The following NBEA variants were observed in gnomAD, a reference collection of about 807,000 sequenced individuals.
NBEA encodes lysosomal-trafficking regulator 2.
A neutral mutation model predicts 343.4 loss-of-function variants in NBEA; 44 were observed. The ratio of observed to expected loss-of-function variants is 0.13; its 90% CI spans 0.10 to 0.16. The LOEUF (loss-of-function observed/expected upper bound fraction) is 0.16, where lower values mean the gene tolerates loss of function less well. NBEA is among the 10% of genes least tolerant of loss of function. The probability of loss-of-function intolerance (pLI) is 1.00; values close to 1 mark genes in which losing one functional copy is unlikely to be tolerated. For synonymous variants in NBEA, 1,175 were observed against 1,238.7 expected, an observed-to-expected ratio of 0.95 and a Z score of 1.08; for missense variants, 2,555 against 3,631.3, an observed-to-expected ratio of 0.70 and a Z score of 7.62.
At chr13:35,049,667 A>T (rs893040893) in intron 5 of NBEA, among the ~76,000 whole-genome samples, 6 of 151,866 alleles carry the variant, frequency 4.0e-5, no homozygotes, top group African/African-American at 1.4e-4. Context: ...TTTCAGTGGT[A>T]TCTGCATTTT....
chr13:35,062,940 C>G (rs1286063762), intron 8 of NBEA, among the ~76,000 whole-genome samples: 5 of 151,850 alleles, frequency 3.3e-5, no homozygotes, highest in African/African-American at 1.2e-4. Context: ...TACAATGCAT[C>G]TTGATAGAGT....
intron 38 of NBEA, among the ~76,000 whole-genome samples, chr13:35,392,512 A>G (rs2042554897): frequency 6.8e-6 from 1 of 147,736 alleles, no homozygotes. Context: ...TATCCCACTT[A>G]GAGTCAATAT....
At chr13:35,009,666 A>C (rs1183473503) in intron 1 of NBEA, among the ~76,000 whole-genome samples, 1 of 152,084 alleles carries the variant, frequency 6.6e-6, no homozygotes, top group African/African-American at 2.4e-5. Flanking sequence ...AGTAGAGGAG[A>C]GACATGATCT....
At chr13:35,432,890 G>A (rs1362104701) in intron 39 of NBEA, among the ~76,000 whole-genome samples, 1 of 151,304 alleles carries the variant, frequency 6.6e-6, no homozygotes, top group Non-Finnish European at 1.5e-5. Context: ...TATACATATT[G>A]TATATATTAA....
intron 41 of NBEA, among the ~76,000 whole-genome samples, chr13:35,512,874 T>C (rs1175903035): frequency 6.6e-6 from 1 of 152,188 alleles, no homozygotes; most frequent in Non-Finnish European, 1.5e-5. Context: ...CTGAGCCCAT[T>C]TCTCTCAGAA....
intron 41 of NBEA, among the ~76,000 whole-genome samples, chr13:35,531,534 C>T (rs1488051274): frequency 2.6e-5 from 4 of 152,036 alleles, no homozygotes; most frequent in African/African-American, 9.7e-5. Flanking sequence ...AAATCAAATT[C>T]CTCATTCACA....
intron 38 of NBEA, among the ~76,000 whole-genome samples, chr13:35,424,711 T>G (rs1014454464): frequency 5.3e-5 from 8 of 152,290 alleles, no homozygotes; most frequent in South Asian, 2.1e-4. Context: ...TTGGAATAGT[T>G]TCAGAAGGAA....
At chr13:35,543,402 T>A (rs576573864) in intron 41 of NBEA, among the ~76,000 whole-genome samples, 1 of 152,362 alleles carries the variant, frequency 6.6e-6, no homozygotes, top group East Asian at 1.9e-4. Flanking sequence ...AGTTGTGTGC[T>A]AAAAATCACA....
chr13:35,162,367 T>C (rs1187392782), intron 23 of NBEA, among the ~76,000 whole-genome samples: 3 of 152,180 alleles, frequency 2.0e-5, no homozygotes, highest in Non-Finnish European at 4.4e-5. Flanking sequence ...AGGAAGTCGA[T>C]GGATATAAGT....
intron 4 of NBEA, among the ~76,000 whole-genome samples, chr13:35,046,406 G>A (rs1344930784): frequency 6.6e-6 from 1 of 152,044 alleles, no homozygotes; most frequent in African/African-American, 2.4e-5. Flanking sequence ...CAGTGTATGA[G>A]AGTCCCACTT....
At chr13:35,640,238 TC>T (rs1200569332) in intron 49 of NBEA, among the ~76,000 whole-genome samples, 1 of 152,202 alleles carries the variant, frequency 6.6e-6, no homozygotes, top group African/African-American at 2.4e-5. Flanking sequence ...GTATCTTTAT[TC>T]ATAGAGGAGG....
chr13:35,043,672 G>C (rs1186794991), intron 2 of NBEA, among the ~76,000 whole-genome samples: 1 of 151,672 alleles, frequency 6.6e-6, no homozygotes, highest in Non-Finnish European at 1.5e-5. Context: ...TTGTCATAGA[G>C]ATTATTGTGT....
chr13:35,475,562 G>C (rs753585442), intron 41 of NBEA: 1 of 1,613,454 alleles, frequency 6.2e-7, no homozygotes, highest in South Asian at 1.1e-5. Flanking sequence ...CCCGGCCAGG[G>C]GATGTGGGGA....
intron 7 of NBEA, among the ~76,000 whole-genome samples, chr13:35,057,850 C>T (rs2063325543): frequency 6.6e-6 from 1 of 152,088 alleles, no homozygotes; most frequent in South Asian, 2.1e-4. Flanking sequence ...AGTTAAAGTT[C>T]CCATACTTCT....
chr13:34,977,313 C>CT (rs754986587), intron 1 of NBEA, among the ~76,000 whole-genome samples: 2,094 of 142,528 alleles, frequency 0.015, 45 homozygotes, highest in African/African-American at 0.042. Flanking sequence ...ACATAATTAT[C>CT]TTTTTTTTTT....
At position 35,159,054 on chromosome 13, in the gene NBEA, G is replaced by A; in HGVS notation, c.2883G>A (p.Met961Ile). The A allele has an allele frequency of 1.9e-6, 3 of 1,611,782 alleles. No individual in the cohort carries two copies. The highest frequency in any genetic ancestry group is 1.7e-6 in the Non-Finnish European group (2 of 1,179,000). The change falls in exon 22 of 59, where the codon ATG becomes ATA. Residue 961 changes from methionine (M) to isoleucine (I), a missense_variant. Physicochemically the swap from Met to Ile is conservative, Grantham distance 10 (BLOSUM62 1). Transcript: ENST00000379939. ...YEAHKEYLAK[M>I]YEEYQRQEEE... ...CTCATAAGGAATACCTAGCCAAAAT[G>A]TATGAGGAATATCAAAGACAAGAGG...
chr13:35,068,900 T>C (rs185759631), intron 8 of NBEA, among the ~76,000 whole-genome samples: 90 of 152,284 alleles, frequency 5.9e-4, no homozygotes, highest in African/African-American at 1.9e-3. Flanking sequence ...AAATCTTCTC[T>C]AGTTTGAGGA....
At chr13:35,508,560 C>T (rs1451809198) in intron 41 of NBEA, among the ~76,000 whole-genome samples, 1 of 151,982 alleles carries the variant, frequency 6.6e-6, no homozygotes, top group Non-Finnish European at 1.5e-5. Flanking sequence ...AAGTGGATAA[C>T]ATTTGTGAAC....
chr13:35,271,043 C>T (rs956844393), intron 34 of NBEA, among the ~76,000 whole-genome samples: 1 of 152,252 alleles, frequency 6.6e-6, no homozygotes, highest in African/African-American at 2.4e-5. Context: ...CAGACTGCCT[C>T]CTCAAGTGGG....
Sources: gnomAD v4.1 joint callset for allele counts (sites outside exome capture counted in the v4.1 genomes callset) on GRCh38, gnomAD v4.1.1 for gene constraint, MANE v1.5 for transcripts, NCBI Gene and HGNC (gene_info 2026-07-23, HGNC 2026-07-21) for gene names.